The following CELF6 variants were observed in gnomAD, a reference collection of about 807,000 sequenced individuals.
CELF6 encodes Bruno -like 6, RNA binding protein.
In CELF6, 32 loss-of-function variants were observed where a neutral mutation model predicts 53.1. That is an observed-to-expected ratio of 0.60 (90% CI 0.46 to 0.81). The LOEUF (loss-of-function observed/expected upper bound fraction) is 0.81. CELF6 is among the 30% of genes least tolerant of loss of function. CELF6 has a pLI of 0.00. For synonymous variants in CELF6, 291 were observed against 288.8 expected (o/e 1.01, Z -0.08); for missense variants, 539 against 669.5 (o/e 0.81, Z 2.15).
rs2087967987 is a variant in CELF6, at chr15:72,289,293, G to A, written c.881-6C>T. 1 of 1,563,976 alleles carries A rather than the reference G, an allele frequency of 6.4e-7. No individual in the cohort carries two copies. Among genetic ancestry groups the A allele is most frequent in the Admixed American group, 1.9e-5 (1 of 52,698 alleles). ...GCCAGGCGGGGAGTTGGCTGCTGAT[G>A]GCGGAAAAGGTCTGAGAGTCAGGCC... On this transcript the variant is annotated splice_polypyrimidine_tract_variant and splice_region_variant and intron_variant, in intron 7 of 12. Coordinates refer to ENST00000287202, the MANE Select transcript of CELF6 (RefSeq NM_052840.5). This position sits in a 1 kb window ranked among gnomAD's most constrained non-coding sequence, Gnocchi z 7.6.
intron 2 of CELF6, among the ~76,000 whole-genome samples, chr15:72,311,623 C>CA (rs2088298691): frequency 6.6e-6 from 1 of 151,632 alleles, no homozygotes; most frequent in Admixed American, 6.6e-5. Context: ...AGGATGGTCT[C>CA]AATCTCCTGA....
rs2088399030 is a variant in CELF6 at position 72,319,360 on chromosome 15, C to T, written c.262+253G>A. On this transcript the variant is annotated intron_variant, in intron 1 of 12. Coordinates refer to ENST00000287202, the MANE Select transcript of CELF6 (RefSeq NM_052840.5). This position sits in a 1 kb window ranked among gnomAD's most constrained non-coding sequence, Gnocchi z 5.0. ...AGGTCCAATTGAAAGGCAGGGACTG[C>T]TGGGATGTGAGAGGTGGAGGCCAGG... Among the ~76,000 whole-genome samples, 2 of 151,970 alleles carry T rather than the reference C, an allele frequency of 1.3e-5. No individual in the cohort carries two copies. The highest frequency in any genetic ancestry group is 1.5e-5 in the Non-Finnish European group (1 of 68,006).
At position 72,288,773 on chromosome 15, in the gene CELF6, A is replaced by C; in HGVS notation, c.1093+95T>G. On this transcript the variant is annotated intron_variant, in intron 9 of 12. Transcript: ENST00000287202. The surrounding 1 kb of genome is among the most constrained non-coding windows in gnomAD (Gnocchi z 4.6). ...GGGGGTAGGAGGGGATGGGAGGATC[A>C]ACTCCTTGGAACAGAGCCTAAATCC... 1 of 1,369,494 alleles carries C rather than the reference A, an allele frequency of 7.3e-7. No homozygotes were observed. The highest frequency in any genetic ancestry group is 1.0e-6 in the Non-Finnish European group (1 of 980,884). 84.8% of individuals were successfully genotyped at this position (1,369,494 alleles called of 1,614,324 possible). A position where few individuals can be genotyped will look rare whatever the true frequency, so the allele number is the denominator to read the frequency against.
intron 4 of CELF6, 26 bp downstream of exon 4, chr15:72,290,101 G>A (rs2087986162): frequency 6.2e-7 from 1 of 1,613,120 alleles, no homozygotes; most frequent in African/African-American, 1.3e-5. Flanking sequence ...GGGTCACCAG[G>A]AAATCCCGGG....
In CELF6 at chr15:72,285,604, G is replaced by T. The variant is rs1378753181; in HGVS notation, c.*767C>A. The stretch of plus-strand genomic sequence containing the variant: ...CCACAGGAAAGGCAATCCCACTCTT[G>T]CTGGCTAGGGGGCCTCCCGGGATGG... On this transcript the variant is annotated 3_prime_UTR_variant, in exon 13 of 13. Coordinates refer to ENST00000287202, the MANE Select transcript of CELF6 (RefSeq NM_052840.5). 1 of 152,312 alleles carries T rather than the reference G, an allele frequency of 6.6e-6. No homozygotes were observed. Among genetic ancestry groups the T allele is most frequent in the African/African-American group, 2.4e-5 (1 of 41,470 alleles). The allele number at this position is 152,312 out of a possible 1,614,324, so 9.4% of individuals were successfully genotyped here. A position where few individuals can be genotyped will look rare whatever the true frequency, so the allele number is the denominator to read the frequency against.
chr15:72,305,642 C>A (rs1328967659), intron 2 of CELF6, among the ~76,000 whole-genome samples: 9 of 152,132 alleles, frequency 5.9e-5, no homozygotes, highest in Non-Finnish European at 1.3e-4. Context: ...CCGTTCTCAG[C>A]CCTTTTTGTC....
intron 1 of CELF6, among the ~76,000 whole-genome samples, chr15:72,316,408 C>T (rs561219496): frequency 6.6e-6 from 1 of 152,094 alleles, no homozygotes; most frequent in South Asian, 2.1e-4. Flanking sequence ...CCCAGGAGCC[C>T]CCAGCTCTTG....
At chr15:72,297,273 C>A (rs767673181) in intron 3 of CELF6, among the ~76,000 whole-genome samples, 1 of 152,176 alleles carries the variant, frequency 6.6e-6, no homozygotes, top group African/African-American at 2.4e-5. Flanking sequence ...CTTTGACTAA[C>A]ATCTCCCCTT....
At position 72,315,907 on chromosome 15, in the gene CELF6, A is replaced by C. The variant is rs772101544; in HGVS notation, c.283T>G (p.Cys95Gly). 1 of 1,608,130 alleles carries C rather than the reference A, an allele frequency of 6.2e-7. No individual in the cohort carries two copies. The highest frequency in any genetic ancestry group is 8.5e-7 in the Non-Finnish European group (1 of 1,177,502). ...LHKGCAFLTYCARDSALKAQS... is the reference protein window; with the variant it reads ...LHKGCAFLTYGARDSALKAQS... The stretch of plus-strand genomic sequence containing the variant: ...GCCTTGAGAGCAGAGTCCCGGGCGC[A>C]GTAGGTGAGGAAGGCACAGCCTGAG... The change falls in exon 2 of 13, where the codon TGC becomes GGC. Residue 95 changes from cysteine (C) to glycine (G), a missense_variant. Physicochemically the swap from Cys to Gly is radical, Grantham distance 159. Coordinates refer to ENST00000287202, the MANE Select transcript of CELF6 (RefSeq NM_052840.5).
chr15:72,302,014 C>T (rs764115635), intron 3 of CELF6, among the ~76,000 whole-genome samples: 2 of 152,306 alleles, frequency 1.3e-5, no homozygotes, highest in Admixed American at 6.5e-5. Flanking sequence ...GGATTACAGG[C>T]GTGAGCCACT....
intron 2 of CELF6, among the ~76,000 whole-genome samples, chr15:72,313,356 G>A (rs527434308): frequency 6.6e-6 from 1 of 152,304 alleles, no homozygotes; most frequent in African/African-American, 2.4e-5. Context: ...CAGCATTTTG[G>A]GAAGCCAAGG....
Position 72,289,642 on chromosome 15 carries a change from G to C in CELF6, c.732C>G (p.Gly244=). 6.7e-7 allele frequency: 1 copy of C among 1,502,234 alleles called. No individual in the cohort carries two copies. Among genetic ancestry groups the C allele is most frequent in the South Asian group, 1.2e-5 (1 of 80,510 alleles). 93.1% of individuals were successfully genotyped at this position (1,502,234 alleles called of 1,614,324 possible). The change falls in exon 6 of 13, where the codon GGC becomes GGG. Residue 244 remains glycine, a synonymous_variant. Coordinates refer to ENST00000287202, the MANE Select transcript of CELF6 (RefSeq NM_052840.5). This position sits in a 1 kb window ranked among gnomAD's most constrained non-coding sequence, Gnocchi z 7.6. The part of the protein sequence containing the change: ...HPAPLPLGAC[G]AYTTAILQHQ... ...CGGTACCTACCGCCGTGGTGTAGGC[G>C]CCGCAGGCCCCTAGCGGCAGTGGCG... is the stretch of plus-strand genomic sequence containing the variant.
rs1328107194 is a variant in CELF6, at chr15:72,285,370, T to A, written c.*1001A>T. 6.6e-6 allele frequency: 1 copy of A among 152,478 alleles called. No individual in the cohort carries two copies. The highest frequency in any genetic ancestry group is 1.5e-5 in the Non-Finnish European group (1 of 68,056). The allele number at this position is 152,478 out of a possible 1,614,324, so 9.4% of individuals were successfully genotyped here. ...CTGTTGTCACAGCCCTCTACAGATA[T>A]CCTGAATCTACTTTACAGGTGGGCA... On this transcript the variant is annotated 3_prime_UTR_variant, in exon 13 of 13. Transcript: ENST00000287202.
At chr15:72,304,930 G>A (rs1307029615) in intron 2 of CELF6, 136 bp from the exon 3 acceptor site, 1 of 680,452 alleles carries the variant, frequency 1.5e-6, no homozygotes, top group Non-Finnish European at 2.6e-6. Context: ...TCCAAACTGG[G>A]ATTACAGATT....
chr15:72,289,382 G>T lies in CELF6; in HGVS notation c.873C>A (p.Pro291=). 1 of 1,553,666 alleles carries T rather than the reference G, an allele frequency of 6.4e-7. No individual in the cohort carries two copies. Among genetic ancestry groups the T allele is most frequent in the East Asian group, 2.3e-5 (1 of 42,580 alleles). The part of the protein sequence containing the change: ...AFSLVAAPLL[P]AAAANSPPGS... ...AGTCCCTGGGGGCCGTACCTGCCGC[G>T]GGCAACAGAGGCGCAGCTACCAGGC... Residue 291 remains proline (P), a synonymous_variant, in exon 7 of 13, where the codon CCC becomes CCA. Coordinates refer to ENST00000287202, the MANE Select transcript of CELF6 (RefSeq NM_052840.5). The surrounding 1 kb of genome is among the most constrained non-coding windows in gnomAD (Gnocchi z 7.6).
chr15:72,294,884 A>G (rs1389063336), intron 3 of CELF6, among the ~76,000 whole-genome samples: 1 of 149,900 alleles, frequency 6.7e-6, no homozygotes, highest in Non-Finnish European at 1.5e-5. Context: ...AGGCTGAGGC[A>G]GGAGAATCTC....
At position 72,288,852 on chromosome 15, in the gene CELF6, T is replaced by G. The variant is rs753198160; in HGVS notation, c.1093+16A>C. On this transcript the variant is annotated intron_variant, in intron 9 of 12. Coordinates refer to ENST00000287202, the MANE Select transcript of CELF6 (RefSeq NM_052840.5). The surrounding 1 kb of genome is among the most constrained non-coding windows in gnomAD (Gnocchi z 4.6). The stretch of plus-strand genomic sequence containing the variant: ...GCCCTTCAACCTCCCCCAGGCCGCG[T>G]AGCGCCAAGTGAAACCTGCGTAGTG... 8.4e-6 allele frequency: 13 copies of G among 1,549,900 alleles called. No individual in the cohort carries two copies. The South Asian group carries it at 1.5e-4, about 18-fold the overall frequency.
In CELF6 at chr15:72,304,776, C is replaced by T. The variant is rs756992441; in HGVS notation, c.364G>A (p.Val122Met). The T allele has an allele frequency of 6.2e-7, 1 of 1,614,200 alleles. No individual in the cohort carries two copies. The highest frequency in any genetic ancestry group is 1.1e-5 in the South Asian group (1 of 91,086). ...CGGCCCTCACTGGCAGCTGGCTTCACTTGGATCGGACGATTCATCTGAAAG... is the reference window on the plus strand; with the variant it reads ...CGGCCCTCACTGGCAGCTGGCTTCATTTGGATCGGACGATTCATCTGAAAG... ...TLPGMNRPIQ[V>M]KPAASEGRGE... The change falls in exon 3 of 13, where the codon GTG becomes ATG. Residue 122 changes from valine (V) to methionine (M), a missense_variant. Physicochemically the swap from Val to Met is conservative, Grantham distance 21 (BLOSUM62 1). This residue lies in a region of CELF6 where 97 missense variants were observed against 168.8 expected (regional missense o/e 0.57). Coordinates refer to ENST00000287202, the MANE Select transcript of CELF6 (RefSeq NM_052840.5).
At position 72,288,879 on chromosome 15, in the gene CELF6, T is replaced by C. The variant is rs758150448; in HGVS notation, c.1082A>G (p.His361Arg). The stretch of plus-strand genomic sequence containing the variant: ...GCGCCAAGTGAAACCTGCGTAGTGG[T>C]GCATCCCAGCGTAGGCCTGCTGCAG... Reference protein sequence around the residue: ...DPLQQAYAGMHHYAAAYPSAY... With the variant: ...DPLQQAYAGMRHYAAAYPSAY... The change falls in exon 9 of 13, where the codon CAC becomes CGC. Residue 361 changes from histidine (H) to arginine (R), a missense_variant. Transcript: ENST00000287202. This position sits in a 1 kb window ranked among gnomAD's most constrained non-coding sequence, Gnocchi z 4.6. 115 of 1,550,836 alleles carry C rather than the reference T, an allele frequency of 7.4e-5. No homozygotes were observed. The highest frequency in any genetic ancestry group is 9.8e-5 in the Admixed American group (5 of 50,990).
Sources: allele counts gnomAD v4.1 joint callset (sites outside exome capture counted in the v4.1 genomes callset), GRCh38; gene constraint gnomAD v4.1.1; regional missense constraint gnomAD v4.1.1; non-coding constraint Gnocchi (gnomAD v3.1); transcripts MANE v1.5; gene names NCBI Gene and HGNC (gene_info 2026-07-23, HGNC 2026-07-21).